RABGAP1L: variants seen among roughly 807,000 people sequenced by gnomAD.
RABGAP1L encodes RAB GTPase activating protein 1 like, also known as rab GTPase-activating protein 1-like.
In RABGAP1L, 63 loss-of-function variants were observed where a neutral mutation model predicts 137.7. That is an observed-to-expected ratio of 0.46 (90% CI 0.37 to 0.56). The LOEUF (loss-of-function observed/expected upper bound fraction) is 0.56, where lower values mean the gene tolerates loss of function less well. Among genes scored for constraint, RABGAP1L ranks in the 20% least tolerant of loss-of-function variants. The pLI, the probability that RABGAP1L is intolerant of heterozygous loss-of-function variation, is 0.00. For missense variants in RABGAP1L, 1,095 were observed against 1,244.0 expected (o/e 0.88, Z 1.80); for synonymous variants, 431 against 433.7 (o/e 0.99, Z 0.08).
chr1:174,642,755 C>T (rs1441052377), intron 14 of RABGAP1L, among the ~76,000 whole-genome samples: 15 of 109,562 alleles, frequency 1.4e-4, no homozygotes, highest in Non-Finnish European at 2.5e-4. Context: ...CTCTCCCCTT[C>T]TTCCCCTCTC....
chr1:174,730,338 AG>A (rs1682357615), intron 17 of RABGAP1L, among the ~76,000 whole-genome samples: 1 of 152,216 alleles, frequency 6.6e-6, no homozygotes, highest in African/African-American at 2.4e-5. Context: ...GGTGGGAACA[AG>A]GGTTGACAAG....
At chr1:174,879,966 G>T (rs1250512026) in intron 19 of RABGAP1L, among the ~76,000 whole-genome samples, 5 of 151,294 alleles carry the variant, frequency 3.3e-5, no homozygotes, top group Admixed American at 2.0e-4. Context: ...AGTGGCGCAT[G>T]CCCATAATCT....
chr1:174,784,165 A>G lies in RABGAP1L; in HGVS notation c.2212-27667A>G, dbSNP rs1487699990. On this transcript the variant is annotated intron_variant, in intron 18 of 25. Transcript: ENST00000681986. ...CTCCCGAGTAGCTGGGACTACAGGC[A>G]CCCGCCATCACGCCCGGCCAATTTT... is the stretch of plus-strand genomic sequence containing the variant. Among the ~76,000 whole-genome samples the G allele has an allele frequency of 6.6e-5, 10 of 150,548 alleles. No homozygotes were observed. In the East Asian group the frequency reaches 1.8e-3, roughly 27 times the overall value.
intron 13 of RABGAP1L, among the ~76,000 whole-genome samples, chr1:174,506,710 A>T (rs1661849466): frequency 6.6e-6 from 1 of 152,206 alleles, no homozygotes; most frequent in African/African-American, 2.4e-5. Flanking sequence ...TTGTCTACGC[A>T]TTGGGTAAAG....
At chr1:174,927,050 G>GT (rs1443181158) in intron 19 of RABGAP1L, among the ~76,000 whole-genome samples, 1 of 151,318 alleles carries the variant, frequency 6.6e-6, no homozygotes, top group Middle Eastern at 3.2e-3. Flanking sequence ...TCCAGCCTGG[G>GT]TGACAGAATA....
At chr1:174,946,558 C>T (rs1055996072) in intron 19 of RABGAP1L, among the ~76,000 whole-genome samples, 4 of 151,944 alleles carry the variant, frequency 2.6e-5, no homozygotes, top group South Asian at 2.1e-4. Flanking sequence ...ATTTATAAAA[C>T]GGATATAGTA....
intron 13 of RABGAP1L, among the ~76,000 whole-genome samples, chr1:174,614,046 A>T (rs1002467482): frequency 6.6e-6 from 1 of 152,152 alleles, no homozygotes; most frequent in African/African-American, 2.4e-5. Context: ...TGGAGCATTT[A>T]TTCCATTTAC....
chr1:174,639,395 C>T (rs1674343201), intron 14 of RABGAP1L, among the ~76,000 whole-genome samples: 1 of 152,058 alleles, frequency 6.6e-6, no homozygotes, highest in Admixed American at 6.6e-5. Context: ...TCATTATATG[C>T]TTGTGAAAGA....
intron 19 of RABGAP1L, among the ~76,000 whole-genome samples, chr1:174,817,008 C>T (rs976560642): frequency 1.3e-5 from 2 of 152,102 alleles, no homozygotes; most frequent in East Asian, 1.9e-4. Flanking sequence ...GGATTACAGG[C>T]GTGAGCCACT....
At chr1:174,949,442 A>G (rs757896596) in intron 19 of RABGAP1L, among the ~76,000 whole-genome samples, 1 of 152,236 alleles carries the variant, frequency 6.6e-6, no homozygotes, top group Admixed American at 6.5e-5. Context: ...CGTACAGTAT[A>G]GAATCTAGTG....
At position 174,683,559 on chromosome 1, in the gene RABGAP1L, A is replaced by C; in HGVS notation, c.1862A>C (p.Gln621Pro). ...TATGATGAAGACATTGGGTACTGTC[A>C]AGGGCAGTCTTTTCTTGCTGCTGTA... ...SVYDEDIGYC[Q>P]GQSFLAAVLL... The change falls in exon 15 of 26, where the codon CAA becomes CCA. Residue 621 changes from glutamine (Q) to proline (P), a missense_variant. Around this residue, in one of 4 missense-constraint regions of RABGAP1L, gnomAD observed 315 missense variants for 324.8 expected, o/e 0.97. Coordinates refer to ENST00000681986, the MANE Select transcript of RABGAP1L (RefSeq NM_001366446.1). The C allele has an allele frequency of 6.2e-7, 1 of 1,609,772 alleles. No homozygotes were observed. The highest frequency in any genetic ancestry group is 8.5e-7 in the Non-Finnish European group (1 of 1,176,114).
chr1:174,475,399 G>A (rs890574089), intron 13 of RABGAP1L, among the ~76,000 whole-genome samples: 2 of 152,040 alleles, frequency 1.3e-5, no homozygotes, highest in Admixed American at 6.6e-5. Context: ...TTTTAAGGTA[G>A]TTAACAATAA....
chr1:174,564,781 A>T (rs1355896628), intron 13 of RABGAP1L, among the ~76,000 whole-genome samples: 1 of 152,160 alleles, frequency 6.6e-6, no homozygotes, highest in Non-Finnish European at 1.5e-5. Flanking sequence ...GGAGAAAAAA[A>T]CTTATTTAAT....
At position 174,278,676 on chromosome 1, in the gene RABGAP1L, G is replaced by A. The variant is rs777186772; in HGVS notation, c.1220G>A (p.Arg407His). Residue 407 changes from arginine (R) to histidine (H), a missense_variant, in exon 10 of 26, where the codon CGC (arginine) becomes CAC (histidine). Transcript: ENST00000681986. ...MVVTEVVEPV[R>H]FLLETVVRVY... ...GTCACAGAGGTGGTGGAGCCTGTTC[G>A]CTTTCTCCTGGAGACAGTAGTCCGT... 3.2e-5 allele frequency: 51 copies of A among 1,613,162 alleles called. No homozygotes were observed. The highest frequency in any genetic ancestry group is 4.2e-5 in the Non-Finnish European group (50 of 1,179,624).
chr1:174,459,087 G>A (rs1411642738), intron 13 of RABGAP1L, among the ~76,000 whole-genome samples: 1 of 152,050 alleles, frequency 6.6e-6, no homozygotes, highest in African/African-American at 2.4e-5. Context: ...AAGATGTATT[G>A]CAGTGCTAGG....
At chr1:174,349,061 C>A (rs1682758425) in intron 11 of RABGAP1L, among the ~76,000 whole-genome samples, 2 of 147,398 alleles carry the variant, frequency 1.4e-5, no homozygotes, top group Non-Finnish European at 3.0e-5. Context: ...GGGGCTGACC[C>A]CCCCCACCTC....
intron 11 of RABGAP1L, among the ~76,000 whole-genome samples, chr1:174,310,158 A>G (rs776089573): frequency 6.6e-5 from 10 of 152,130 alleles, no homozygotes; most frequent in Non-Finnish European, 1.2e-4. Flanking sequence ...ATAACGGTCT[A>G]TAACAGTATT....
intron 13 of RABGAP1L, among the ~76,000 whole-genome samples, chr1:174,603,635 G>C (rs1186619378): frequency 6.6e-6 from 1 of 152,016 alleles, no homozygotes; most frequent in Non-Finnish European, 1.5e-5. Flanking sequence ...AGAGCCTGTT[G>C]TAATGGCCAC....
chr1:174,509,504 A>G (rs181410287), intron 13 of RABGAP1L, among the ~76,000 whole-genome samples: 38 of 152,128 alleles, frequency 2.5e-4, no homozygotes, highest in Admixed American at 5.9e-4. Context: ...CTCTCTGACA[A>G]AGAGAGCTTG....
Sources: gnomAD v4.1 joint callset for allele counts (sites outside exome capture counted in the v4.1 genomes callset) on GRCh38, gnomAD v4.1.1 for gene constraint, gnomAD v4.1.1 regional missense constraint, MANE v1.5 for transcripts, NCBI Gene and HGNC (gene_info 2026-07-23, HGNC 2026-07-21) for gene names.